The following LOXHD1 variants were observed in gnomAD, a reference collection of about 807,000 sequenced individuals.
The protein encoded by LOXHD1 is lipoxygenase homology PLAT domains 1.
LOXHD1 carries 205 observed loss-of-function variants against 248.2 expected under a neutral mutation model. That is an observed-to-expected ratio of 0.83 (90% confidence interval 0.74 to 0.93). The LOEUF (loss-of-function observed/expected upper bound fraction) is 0.93. Among genes scored for constraint, LOXHD1 ranks in the 40% least tolerant of loss-of-function variants. LOXHD1 has a pLI of 0.00. For synonymous variants in LOXHD1, 1,113 were observed against 1,162.8 expected (o/e 0.96, Z 0.87); for missense variants, 2,930 against 2,971.6 (o/e 0.99, Z 0.33).
At chr18:46,584,816 C>T (rs1409156237) in intron 12 of LOXHD1, among the ~76,000 whole-genome samples, 3 of 151,940 alleles carry the variant, frequency 2.0e-5, no homozygotes, top group Non-Finnish European at 2.9e-5. Flanking sequence ...AAATCTTCAA[C>T]AAAATATTCA....
At chr18:46,552,939 A>T (rs544014452) in intron 21 of LOXHD1, among the ~76,000 whole-genome samples, 2 of 151,926 alleles carry the variant, frequency 1.3e-5, no homozygotes, top group South Asian at 4.2e-4. Context: ...TTTTTCAACC[A>T]TTTCTAATGT....
intron 8 of LOXHD1, among the ~76,000 whole-genome samples, 185 bp downstream of exon 8, chr18:46,601,030 CCT>C (rs947207906): frequency 1.3e-5 from 2 of 152,182 alleles, no homozygotes; most frequent in Non-Finnish European, 2.9e-5. Flanking sequence ...CAGAACAGCC[CCT>C]GTTCCTGACC....
At chr18:46,490,293 G>A (rs143606857) in intron 37 of LOXHD1, among the ~76,000 whole-genome samples, 6 of 152,292 alleles carry the variant, frequency 3.9e-5, no homozygotes, top group African/African-American at 9.6e-5. Flanking sequence ...CACCCAGATC[G>A]CAGGGGACAC....
chr18:46,558,644 T>C (rs1327553785), intron 20 of LOXHD1, among the ~76,000 whole-genome samples: 2 of 152,178 alleles, frequency 1.3e-5, no homozygotes, highest in Admixed American at 6.5e-5. Flanking sequence ...AAAAAATCTG[T>C]GTTAATGAGA....
chr18:46,571,299 C>A lies in LOXHD1; in HGVS notation c.2047+787G>T, dbSNP rs189958922. On this transcript the variant is annotated intron_variant, in intron 15 of 40. Transcript: ENST00000642948. ...CCTGGACAACATAAAGAGACCCCAT[C>A]TGTAGAAAAAAAATATAAAAATTAG... Among the ~76,000 whole-genome samples the A allele has an allele frequency of 2.0e-5, 3 of 151,820 alleles. No homozygotes were observed. The East Asian group carries it at 5.8e-4, about 29-fold the overall frequency.
chr18:46,560,052 T>TCTCC, intron 19 of LOXHD1, 31 bp downstream of exon 19: 1 of 441,130 alleles, frequency 2.3e-6, no homozygotes, highest in South Asian at 2.8e-5. Context: ...GGCCACTCCC[T>TCTCC]CCCCACCCCC....
chr18:46,513,854 G>C (rs538849562), intron 34 of LOXHD1, among the ~76,000 whole-genome samples: 1 of 152,224 alleles, frequency 6.6e-6, no homozygotes, highest in Non-Finnish European at 1.5e-5. Context: ...CCAGAAAGCA[G>C]GTAGACAAGG....
chr18:46,482,305 G>C (rs1338650733), intron 40 of LOXHD1, among the ~76,000 whole-genome samples: 5 of 152,014 alleles, frequency 3.3e-5, no homozygotes, highest in Non-Finnish European at 5.9e-5. Context: ...GAGATAATTA[G>C]GTTTAGATAA....
intron 13 of LOXHD1, among the ~76,000 whole-genome samples, chr18:46,578,164 C>G (rs1475793437): frequency 6.6e-6 from 1 of 152,218 alleles, no homozygotes; most frequent in Non-Finnish European, 1.5e-5. Flanking sequence ...GAGCTAATTC[C>G]TTGGCAAATC....
intron 2 of LOXHD1, among the ~76,000 whole-genome samples, chr18:46,646,167 G>A (rs1406454730): frequency 1.3e-5 from 2 of 152,196 alleles, no homozygotes; most frequent in Non-Finnish European, 2.9e-5. Flanking sequence ...AACACAGTGT[G>A]GAGGGGATGG....
At chr18:46,613,810 G>A (rs560104813) in intron 5 of LOXHD1, among the ~76,000 whole-genome samples, 28 of 152,062 alleles carry the variant, frequency 1.8e-4, no homozygotes, top group South Asian at 4.2e-4. Context: ...TCTTTAATCC[G>A]TTACTATAAT....
intron 4 of LOXHD1, among the ~76,000 whole-genome samples, chr18:46,638,292 C>T (rs1267619955): frequency 6.6e-6 from 1 of 152,174 alleles, no homozygotes; most frequent in Non-Finnish European, 1.5e-5. Context: ...CTACAATGAT[C>T]AAATTTGGTT....
Position 46,656,780 on chromosome 18 carries a change from A to G in LOXHD1, c.130+124T>C, listed in dbSNP as rs2039187989. The G allele has an allele frequency of 5.4e-6, 6 of 1,121,316 alleles. No homozygotes were observed. The South Asian group carries it at 7.7e-5, about 14-fold the overall frequency. The allele number at this position is 1,121,316 out of a possible 1,614,324, so 69.5% of individuals were successfully genotyped here. ...CTCCGAGGGGATATGGAACAGACAC[A>G]TGGGATAATCAGTGAGGAAGGGCTT... On this transcript the variant is annotated intron_variant, in intron 1 of 40. Transcript: ENST00000642948.
intron 13 of LOXHD1, 76 bp downstream of exon 13, chr18:46,579,554 A>C: frequency 6.5e-7 from 1 of 1,533,718 alleles, no homozygotes; most frequent in Non-Finnish European, 8.8e-7. Context: ...CAACTTTAAC[A>C]GGGCAGGGAA....
At chr18:46,569,701 G>A (rs1283077628) in intron 15 of LOXHD1, 63 bp from the exon 16 acceptor site, 21 of 1,390,550 alleles carry the variant, frequency 1.5e-5, no homozygotes, top group African/African-American at 2.9e-5. Context: ...CAGGAAGCAG[G>A]GTGCGTGTAT....
chr18:46,604,309 C>A (rs2038381961), intron 6 of LOXHD1, 80 bp from the exon 7 acceptor site: 1 of 1,516,778 alleles, frequency 6.6e-7, no homozygotes, highest in East Asian at 2.5e-5. Context: ...ATCTTCCAAT[C>A]ACTTGAGTCT....
At chr18:46,582,251 A>G (rs975583500) in intron 12 of LOXHD1, among the ~76,000 whole-genome samples, 1 of 152,240 alleles carries the variant, frequency 6.6e-6, no homozygotes, top group Non-Finnish European at 1.5e-5. Context: ...TAAAGATGCA[A>G]TTTATATTAC....
intron 36 of LOXHD1, among the ~76,000 whole-genome samples, chr18:46,506,561 C>A (rs1438593080): frequency 6.6e-6 from 1 of 152,154 alleles, no homozygotes; most frequent in Non-Finnish European, 1.5e-5. Context: ...CTGTGGTTAT[C>A]AATGAATTTA....
chr18:46,638,817 G>A (rs1048654810), intron 4 of LOXHD1, among the ~76,000 whole-genome samples: 2 of 152,116 alleles, frequency 1.3e-5, no homozygotes, highest in Non-Finnish European at 2.9e-5. Flanking sequence ...TGGAGTACAC[G>A]CTGGAAGGCA....
Sources: allele counts gnomAD v4.1 joint callset (sites outside exome capture counted in the v4.1 genomes callset), GRCh38; gene constraint gnomAD v4.1.1; transcripts MANE v1.5; gene names NCBI Gene and HGNC (gene_info 2026-07-23, HGNC 2026-07-21).